The following NUP153 variants were observed in gnomAD, a reference collection of about 807,000 sequenced individuals.
The protein encoded by NUP153 is nuclear pore complex protein Nup153.
Under a neutral mutation model 134.6 loss-of-function variants are expected in NUP153, and 27 were observed. That is an observed-to-expected ratio of 0.20 (90% CI 0.15 to 0.28). NUP153 has a LOEUF of 0.28. Among genes scored for constraint, NUP153 ranks in the 10% least tolerant of loss-of-function variants. The pLI is 1.00. For missense variants in NUP153, 1,821 were observed against 1,731.3 expected, an observed-to-expected ratio of 1.05 and a Z score of -0.92; for synonymous variants, 640 against 623.5, an observed-to-expected ratio of 1.03 and a Z score of -0.40.
chr6:17,646,556 T>A (rs1403067698), intron 13 of NUP153, among the ~76,000 whole-genome samples: 1 of 152,168 alleles, frequency 6.6e-6, no homozygotes, highest in East Asian at 1.9e-4. Flanking sequence ...TTTCACCTAT[T>A]TTAAGATATA....
chr6:17,700,676 C>G (rs572234904), intron 1 of NUP153, among the ~76,000 whole-genome samples: 6 of 152,084 alleles, frequency 3.9e-5, no homozygotes, highest in Non-Finnish European at 8.8e-5. Context: ...AAGAAGCTAC[C>G]AAAACAAATA....
At position 17,706,624 on chromosome 6, in the gene NUP153, C is replaced by T. The variant is rs1770520480; in HGVS notation, c.-237G>A. On this transcript the variant is annotated 5_prime_UTR_variant, in exon 1 of 22. Coordinates refer to ENST00000262077, the MANE Select transcript of NUP153 (RefSeq NM_005124.4). This position sits in a 1 kb window ranked among gnomAD's most constrained non-coding sequence, Gnocchi z 5.9. Reference sequence around the variant, plus strand: ...CCGCAGAGGCCGAGGAGGCTCCGGTCCGGCCGCCTCTGCGGACCCCCGCCT... The same window carrying T: ...CCGCAGAGGCCGAGGAGGCTCCGGTTCGGCCGCCTCTGCGGACCCCCGCCT... 3.5e-6 allele frequency: 2 copies of T among 565,450 alleles called. No homozygotes were observed. The highest frequency in any genetic ancestry group is 3.2e-5 in the Admixed American group (1 of 30,856). 35.0% of individuals were successfully genotyped at this position (565,450 alleles called of 1,614,324 possible). A position where few individuals can be genotyped will look rare whatever the true frequency, so the allele number is the denominator to read the frequency against.
At chr6:17,695,806 G>A (rs1450327262) in intron 1 of NUP153, among the ~76,000 whole-genome samples, 7 of 152,260 alleles carry the variant, frequency 4.6e-5, no homozygotes, top group African/African-American at 1.2e-4. Context: ...TCAGGAGATC[G>A]AGACCATCCT....
At chr6:17,657,605 T>G (rs1485282389) in intron 11 of NUP153, among the ~76,000 whole-genome samples, 1 of 151,998 alleles carries the variant, frequency 6.6e-6, no homozygotes, top group Non-Finnish European at 1.5e-5. Context: ...TTGGCTTCTG[T>G]GCTCATCAGG....
chr6:17,639,394 T>C (rs947549085), intron 15 of NUP153, among the ~76,000 whole-genome samples: 2 of 152,214 alleles, frequency 1.3e-5, no homozygotes, highest in African/African-American at 4.8e-5. Flanking sequence ...TACATTCTTA[T>C]ACTATGTATC....
chr6:17,647,106 G>A (rs978102610), intron 13 of NUP153, among the ~76,000 whole-genome samples: 3 of 151,866 alleles, frequency 2.0e-5, no homozygotes, highest in African/African-American at 7.3e-5. Context: ...GGCAACTGAT[G>A]GATTTCAGCA....
chr6:17,675,155 GAAAAA>G lies in NUP153; in HGVS notation c.723+69_723+73del. 3 of 1,291,944 alleles carry G rather than the reference GAAAAA, an allele frequency of 2.3e-6. No individual in the cohort carries two copies. The highest frequency in any genetic ancestry group is 3.2e-6 in the Non-Finnish European group (3 of 952,064). 80.0% of individuals were successfully genotyped at this position (1,291,944 alleles called of 1,614,324 possible). Reference sequence around the variant, plus strand: ...GCAACAGCAAAAGACTCTTGTCTCAGAAAAAAAAAAAAAAATTATAAGCAATAAAC... The same window carrying G: ...GCAACAGCAAAAGACTCTTGTCTCAGAAAAAAAAAATTATAAGCAATAAAC... On this transcript the variant is annotated intron_variant, in intron 4 of 21. Coordinates refer to ENST00000262077, the MANE Select transcript of NUP153 (RefSeq NM_005124.4). The surrounding 1 kb of genome is among the most constrained non-coding windows in gnomAD (Gnocchi z 4.4).
At chr6:17,634,981 A>T (rs1765456459) in intron 16 of NUP153, among the ~76,000 whole-genome samples, 1 of 454 alleles carries the variant, frequency 2.2e-3, no homozygotes, top group Admixed American at 0.024. Context: ...TTAAAAAATA[A>T]AAAAAAAAAA....
At chr6:17,662,196 T>C in intron 9 of NUP153, 126 bp from the exon 10 acceptor site, 1 of 782,344 alleles carries the variant, frequency 1.3e-6, no homozygotes, top group Non-Finnish European at 2.1e-6. Context: ...TAATGAATCC[T>C]GAAATTTGAA....
intron 1 of NUP153, among the ~76,000 whole-genome samples, chr6:17,705,858 T>C (rs1301468497): frequency 2.0e-5 from 3 of 149,516 alleles, no homozygotes; most frequent in African/African-American, 7.4e-5. Flanking sequence ...TCAAACACAC[T>C]AAAGAAGGGA....
At chr6:17,665,516 C>T (rs1361966002) in intron 8 of NUP153, 131 bp from the exon 9 acceptor site, 1 of 660,396 alleles carries the variant, frequency 1.5e-6, no homozygotes, top group Non-Finnish European at 2.5e-6. Context: ...TAGATACAAA[C>T]AAATAAGAGG....
intron 9 of NUP153, among the ~76,000 whole-genome samples, chr6:17,664,244 C>A (rs1318869311): frequency 6.6e-6 from 1 of 152,042 alleles, no homozygotes; most frequent in Non-Finnish European, 1.5e-5. Context: ...GATGGTAATA[C>A]AAATGTTCTA....
chr6:17,690,213 G>T (rs1370478506), intron 1 of NUP153, among the ~76,000 whole-genome samples: 1 of 150,224 alleles, frequency 6.7e-6, no homozygotes, highest in East Asian at 1.9e-4. Flanking sequence ...TTAGCCAGGC[G>T]TGGTGGCGGG....
intron 2 of NUP153, among the ~76,000 whole-genome samples, chr6:17,684,096 A>AT (rs2113844860): frequency 6.6e-6 from 1 of 152,294 alleles, no homozygotes; most frequent in African/African-American, 2.4e-5. Context: ...GCCTTCTGCC[A>AT]TGAGTAAAAC....
intron 8 of NUP153, among the ~76,000 whole-genome samples, chr6:17,666,476 C>T (rs1001366415): frequency 1.3e-5 from 2 of 151,994 alleles, no homozygotes; most frequent in Non-Finnish European, 1.5e-5. Context: ...ATTGTGCCAC[C>T]GCACTCCAGC....
chr6:17,701,305 A>C (rs572171810), intron 1 of NUP153, among the ~76,000 whole-genome samples: 2 of 152,054 alleles, frequency 1.3e-5, no homozygotes, highest in South Asian at 4.2e-4. Context: ...CGAGGAGGCC[A>C]GACCACGCAG....
chr6:17,664,025 T>C (rs1270236671), intron 9 of NUP153, among the ~76,000 whole-genome samples: 1 of 151,686 alleles, frequency 6.6e-6, no homozygotes, highest in Admixed American at 6.6e-5. Context: ...CCAATGTCCT[T>C]CAAGTGATTA....
At chr6:17,644,139 T>C (rs1766011302) in intron 14 of NUP153, among the ~76,000 whole-genome samples, 1 of 152,202 alleles carries the variant, frequency 6.6e-6, no homozygotes, top group Non-Finnish European at 1.5e-5. Flanking sequence ...TCAAGACCAT[T>C]CAAAGCCAAA....
rs764504937 is a variant in NUP153, at chr6:17,637,291, T to C, written c.2326A>G (p.Ser776Gly). The change falls in exon 16 of 22, where the codon AGC becomes GGC. Residue 776 changes from serine to glycine, a missense_variant. Coordinates refer to ENST00000262077, the MANE Select transcript of NUP153 (RefSeq NM_005124.4). ...SAETMTASSS[S>G]CTVTTGTLGF... ...AAGGTACCAGTGGTTACAGTGCAGC[T>C]GGAAGATGAAGCAGTCATAGTCTCA... is the stretch of plus-strand genomic sequence containing the variant. The C allele has an allele frequency of 5.6e-6, 9 of 1,614,110 alleles. No individual in the cohort carries two copies. Among genetic ancestry groups the C allele is most frequent in the Admixed American group, 3.3e-5 (2 of 60,002 alleles).
Sources: gnomAD v4.1 joint callset for allele counts (sites outside exome capture counted in the v4.1 genomes callset) on GRCh38, gnomAD v4.1.1 for gene constraint, Gnocchi (gnomAD v3.1) non-coding constraint, MANE v1.5 for transcripts, NCBI Gene and HGNC (gene_info 2026-07-23, HGNC 2026-07-21) for gene names.